The following LTBP1 variants were observed in gnomAD, a reference collection of about 807,000 sequenced individuals.
The protein encoded by LTBP1 is latent-transforming growth factor beta-binding protein 1.
Under a neutral mutation model 207.6 loss-of-function variants are expected in LTBP1, and 129 were observed. That is an observed-to-expected ratio of 0.62 (90% CI 0.54 to 0.72). The LOEUF (loss-of-function observed/expected upper bound fraction) is 0.72. Ranked by LOEUF, LTBP1 falls within the 30% of genes least tolerant of loss-of-function variation. The pLI is 0.00. For synonymous variants in LTBP1, 963 were observed against 833.7 expected, an observed-to-expected ratio of 1.16 and a Z score of -2.67; for missense variants, 2,281 against 2,217.2, an observed-to-expected ratio of 1.03 and a Z score of -0.58.
rs76878058 is a variant in LTBP1 at position 33,067,404 on chromosome 2, G to C, written c.864-43178G>C. ...TTAAGATGCTTTATACACTTCTTAT[G>C]CTGTCAAAAGTGAAAATAAGAAATG... On this transcript the variant is annotated intron_variant, in intron 3 of 33. Transcript: ENST00000404816. Among the ~76,000 whole-genome samples, 43 of 152,302 alleles carry C rather than the reference G, an allele frequency of 2.8e-4. 1 individual carries two copies. The East Asian group carries it at 6.8e-3, about 24-fold the overall frequency.
At chr2:33,264,696 A>T (rs929740933) in intron 15 of LTBP1, among the ~76,000 whole-genome samples, 6 of 152,210 alleles carry the variant, frequency 3.9e-5, no homozygotes, top group Non-Finnish European at 8.8e-5. Flanking sequence ...ATTCCTATCA[A>T]ATTAGTATGT....
intron 32 of LTBP1, 83 bp downstream of exon 32, chr2:33,389,389 T>C: frequency 6.4e-7 from 1 of 1,565,762 alleles, no homozygotes; most frequent in Non-Finnish European, 8.7e-7. Context: ...TGGCAACTTG[T>C]TAGCAATGCA....
chr2:33,350,312 A>G (rs1381371104), intron 26 of LTBP1, among the ~76,000 whole-genome samples: 1 of 152,250 alleles, frequency 6.6e-6, no homozygotes, highest in Non-Finnish European at 1.5e-5. Context: ...ATGTGGTATC[A>G]TACTGAAGGC....
intron 33 of LTBP1, 21 bp downstream of exon 33, chr2:33,397,303 A>G: frequency 6.2e-7 from 1 of 1,612,668 alleles, no homozygotes; most frequent in Non-Finnish European, 8.5e-7. Context: ...CGTGTGTTTT[A>G]TGGGACATTA....
In LTBP1 at chr2:33,089,121, A is replaced by G. The variant is rs1329303839; in HGVS notation, c.864-21461A>G. ...CAGTGAGCCAAGATCGCACCACTGCACTCCAGCCTGGGTGATAGAGTAAGA... is the reference window on the plus strand; with the variant it reads ...CAGTGAGCCAAGATCGCACCACTGCGCTCCAGCCTGGGTGATAGAGTAAGA... On this transcript the variant is annotated intron_variant, in intron 3 of 33. Coordinates refer to ENST00000404816, the MANE Select transcript of LTBP1 (RefSeq NM_206943.4). Among the ~76,000 whole-genome samples the G allele has an allele frequency of 2.1e-5, 3 of 145,958 alleles. No individual in the cohort carries two copies. The Admixed American group carries it at 2.2e-4, about 11-fold the overall frequency.
rs202228164 is a variant in LTBP1 at position 32,947,681 on chromosome 2, C to A, written c.357C>A (p.His119Gln). 756 of 1,494,734 alleles carry A rather than the reference C, an allele frequency of 5.1e-4. No individual in the cohort carries two copies. Among genetic ancestry groups the A allele is most frequent in the Middle Eastern group, 1.8e-3 (10 of 5,494 alleles). 92.6% of individuals were successfully genotyped at this position (1,494,734 alleles called of 1,614,324 possible). ...ARPAVPGGQL[H>Q]PNPGGHPAAA... ...CCGCGGTCCCCGGCGGGCAGCTCCA[C>A]CCCAATCCCGGCGGCCACCCGGCAG... Residue 119 changes from histidine (H) to glutamine (Q), a missense_variant, in exon 1 of 34, where the codon CAC becomes CAA. His to Gln is a conservative substitution (Grantham distance 24). Coordinates refer to ENST00000404816, the MANE Select transcript of LTBP1 (RefSeq NM_206943.4).
At chr2:33,029,084 A>G (rs1470224100) in intron 3 of LTBP1, among the ~76,000 whole-genome samples, 2 of 152,212 alleles carry the variant, frequency 1.3e-5, no homozygotes, top group African/African-American at 2.4e-5. Flanking sequence ...ATACAGTTCT[A>G]GAGTAGTGTG....
intron 2 of LTBP1, among the ~76,000 whole-genome samples, chr2:33,013,015 T>C (rs1280518477): frequency 6.6e-6 from 1 of 152,238 alleles, no homozygotes; most frequent in East Asian, 1.9e-4. Flanking sequence ...GAATGGCTGT[T>C]AATACCATAT....
intron 28 of LTBP1, among the ~76,000 whole-genome samples, chr2:33,362,998 C>G (rs2094943984): frequency 6.6e-6 from 1 of 152,172 alleles, no homozygotes; most frequent in East Asian, 1.9e-4. Flanking sequence ...TTATTGGAAA[C>G]TTTCTACATC....
intron 11 of LTBP1, among the ~76,000 whole-genome samples, chr2:33,256,795 A>G (rs1309722980): frequency 9.3e-6 from 1 of 108,000 alleles, no homozygotes; most frequent in Non-Finnish European, 1.8e-5. Flanking sequence ...CTCTGTATCC[A>G]TGGTTATGCA....
At chr2:33,371,652 C>G (rs1185337606) in intron 31 of LTBP1, among the ~76,000 whole-genome samples, 2 of 152,098 alleles carry the variant, frequency 1.3e-5, no homozygotes, top group Admixed American at 6.5e-5. Flanking sequence ...TTTTCTCAGT[C>G]TAAGTGATAA....
chr2:33,288,661 C>T (rs2093713581), intron 19 of LTBP1, among the ~76,000 whole-genome samples: 1 of 152,058 alleles, frequency 6.6e-6, no homozygotes, highest in Non-Finnish European at 1.5e-5. Context: ...CGAGACCATC[C>T]TGGCTAACAC....
intron 7 of LTBP1, among the ~76,000 whole-genome samples, chr2:33,208,320 C>G (rs763582693): frequency 3.3e-5 from 5 of 152,204 alleles, no homozygotes; most frequent in Non-Finnish European, 5.9e-5. Context: ...ATTTCCATGA[C>G]CATCTTGAAT....
chr2:33,360,007 G>C (rs149624353), intron 26 of LTBP1, among the ~76,000 whole-genome samples: 191 of 152,234 alleles, frequency 1.3e-3, no homozygotes, highest in African/African-American at 4.3e-3. Context: ...CTACCCTGAG[G>C]CTTAGCTGGC....
intron 2 of LTBP1, among the ~76,000 whole-genome samples, chr2:32,959,915 C>A (rs375136282): frequency 1.5e-4 from 23 of 151,772 alleles, no homozygotes; most frequent in African/African-American, 5.3e-4. Context: ...GCCACTACAC[C>A]CACCCTATTA....
At chr2:33,185,094 A>G (rs2087055272) in intron 5 of LTBP1, among the ~76,000 whole-genome samples, 1 of 152,230 alleles carries the variant, frequency 6.6e-6, no homozygotes, top group Admixed American at 6.5e-5. Flanking sequence ...TGTTCCAGGC[A>G]GAGGACTCAG....
intron 11 of LTBP1, among the ~76,000 whole-genome samples, chr2:33,253,974 C>T (rs566825802): frequency 6.7e-6 from 1 of 148,240 alleles, no homozygotes; most frequent in Non-Finnish European, 1.5e-5. Context: ...ACTGCAAGCT[C>T]CGCCTCCCAG....
intron 2 of LTBP1, among the ~76,000 whole-genome samples, chr2:33,012,835 CAA>C (rs1006528838): frequency 6.6e-6 from 1 of 152,114 alleles, no homozygotes; most frequent in Admixed American, 6.5e-5. Context: ...CAAGATTTTT[CAA>C]AATATGTACT....
chr2:33,360,749 G>A lies in LTBP1; in HGVS notation c.4153G>A (p.Glu1385Lys), dbSNP rs774714743. ...TSGVGWGDNC[E>K]IFPCPVLGTA... ...AGGCGTGGGATGGGGAGATAACTGCGAAATCTTCCCCTGCCCGGTCTTGGG... is the reference window on the plus strand; with the variant it reads ...AGGCGTGGGATGGGGAGATAACTGCAAAATCTTCCCCTGCCCGGTCTTGGG... Residue 1385 changes from glutamate to lysine, a missense_variant, in exon 27 of 34, where the codon GAA becomes AAA. Glu to Lys is a moderately conservative substitution (Grantham distance 56). Transcript: ENST00000404816. The A allele has an allele frequency of 3.1e-6, 5 of 1,613,868 alleles. No homozygotes were observed. The South Asian group carries it at 3.3e-5, about 11-fold the overall frequency.
Sources: gnomAD v4.1 joint callset for allele counts (sites outside exome capture counted in the v4.1 genomes callset) on GRCh38, gnomAD v4.1.1 for gene constraint, MANE v1.5 for transcripts, NCBI Gene and HGNC (gene_info 2026-07-23, HGNC 2026-07-21) for gene names.